The following ZNF487 variants were observed in gnomAD, a reference collection of about 807,000 sequenced individuals.
ZNF487 encodes the protein zinc finger protein 487.
In ZNF487, 4 loss-of-function variants were observed where a neutral mutation model predicts 3.0. The ratio of observed to expected loss-of-function variants is 1.35; its 90% confidence interval spans 0.66 to 3.08. The LOEUF is 3.08. ZNF487 is among the 30% of genes most tolerant of loss of function. ZNF487 has a pLI of 0.01. For synonymous variants in ZNF487, 55 were observed against 34.6 expected, an observed-to-expected ratio of 1.59 and a Z score of -2.06; for missense variants, 146 against 98.7, an observed-to-expected ratio of 1.48 and a Z score of -2.03.
chr10:43,487,362 A>G (rs1841479377), downstream of ZNF487, among the ~76,000 whole-genome samples: 1 of 151,420 alleles, frequency 6.6e-6, no homozygotes, highest in East Asian at 1.9e-4. Flanking sequence ...GATGGTCTCG[A>G]TTTCCTGACC....
the ZNF487 span, among the ~76,000 whole-genome samples, chr10:43,522,755 T>C: frequency 6.6e-6 from 1 of 151,932 alleles, no homozygotes; most frequent in South Asian, 2.1e-4. Context: ...ATAAAAAAAA[T>C]AAAAACAAAG....
chr10:43,469,564 C>G (rs1231264674), intron 1 of ZNF487, among the ~76,000 whole-genome samples: 1 of 151,986 alleles, frequency 6.6e-6, no homozygotes, highest in Non-Finnish European at 1.5e-5. Flanking sequence ...TGATCTTGGG[C>G]TCCTTGGTTC....
chr10:43,442,265 C>CA (rs1491543293), intron 1 of ZNF487, among the ~76,000 whole-genome samples: 189 of 142,610 alleles, frequency 1.3e-3, no homozygotes, highest in African/African-American at 4.4e-3. Flanking sequence ...ACAACAACAA[C>CA]AACAAAAAAA....
chr10:43,499,383 A>T, the ZNF487 span, among the ~76,000 whole-genome samples: 4 of 152,298 alleles, frequency 2.6e-5, no homozygotes, highest in South Asian at 8.3e-4. Context: ...ATAAAAGACA[A>T]AGATAAGTTG....
intron 1 of ZNF487, among the ~76,000 whole-genome samples, chr10:43,461,937 C>CA (rs1202124563): frequency 6.6e-6 from 1 of 152,166 alleles, no homozygotes; most frequent in Non-Finnish European, 1.5e-5. Context: ...GTCTCACACA[C>CA]ACTAGTTCAC....
At chr10:43,460,380 C>CTTTTT (rs199998705) in intron 1 of ZNF487, among the ~76,000 whole-genome samples, 64 of 121,094 alleles carry the variant, frequency 5.3e-4, no homozygotes, top group Non-Finnish European at 6.8e-4. Context: ...TTCTTTCTTT[C>CTTTTT]TTTTTTTTTT....
intron 1 of ZNF487, among the ~76,000 whole-genome samples, chr10:43,440,197 C>T (rs985457043): frequency 9.9e-5 from 15 of 151,816 alleles, no homozygotes; most frequent in South Asian, 4.1e-4. Context: ...TACAGGTGCC[C>T]GCCACCATGC....
chr10:43,516,433 A>C, the ZNF487 span, among the ~76,000 whole-genome samples: 5 of 152,182 alleles, frequency 3.3e-5, no homozygotes, highest in Non-Finnish European at 7.3e-5. Flanking sequence ...AATCTGTATT[A>C]CGGTTCTCTA....
chr10:43,457,461 A>G (rs953086755), intron 1 of ZNF487, among the ~76,000 whole-genome samples: 7 of 149,836 alleles, frequency 4.7e-5, no homozygotes, highest in Non-Finnish European at 8.9e-5. Context: ...AGGCTGAGGC[A>G]GGAGAATCGC....
intron 1 of ZNF487, among the ~76,000 whole-genome samples, chr10:43,466,181 A>AGAGAAGGAGAGGGAGACCGTAGG (rs1840696100): frequency 7.4e-6 from 1 of 135,392 alleles, no homozygotes; most frequent in African/African-American, 2.8e-5. Flanking sequence ...GACCGTGGAA[A>AGAGAAGGAGAGGGAGACCGTAGG]GAGAGGGAGA....
At chr10:43,520,383 T>A in the ZNF487 span, among the ~76,000 whole-genome samples, 3 of 152,220 alleles carry the variant, frequency 2.0e-5, no homozygotes, top group Non-Finnish European at 4.4e-5. Flanking sequence ...GGTGAATATA[T>A]TCAGCTTGAT....
downstream of ZNF487, among the ~76,000 whole-genome samples, chr10:43,484,499 C>T (rs1370079257): frequency 3.3e-5 from 5 of 151,826 alleles, no homozygotes; most frequent in South Asian, 2.1e-4. Context: ...CTCAGCTACT[C>T]GAGAGGCTGA....
At chr10:43,455,908 G>T (rs968651442) in intron 1 of ZNF487, among the ~76,000 whole-genome samples, 1 of 152,262 alleles carries the variant, frequency 6.6e-6, no homozygotes, top group Non-Finnish European at 1.5e-5. Context: ...GGCACCGCCC[G>T]CTCTAGCACA....
At chr10:43,498,552 A>G in the ZNF487 span, among the ~76,000 whole-genome samples, 208 of 151,552 alleles carry the variant, frequency 1.4e-3, 1 homozygote, top group Middle Eastern at 3.4e-3. Context: ...TGCTAGGAAT[A>G]CATGCGTGAG....
rs769471792 is a variant in ZNF487 at position 43,475,858 on chromosome 10, T to G, written c.34+11T>G. The G allele has an allele frequency of 1.0e-4, 77 of 757,800 alleles. No individual in the cohort carries two copies. The highest frequency in any genetic ancestry group is 4.6e-4 in the Middle Eastern group (2 of 4,352). The allele number at this position is 757,800 out of a possible 1,614,324, so 46.9% of individuals were successfully genotyped here. A position where few individuals can be genotyped will look rare whatever the true frequency, so the allele number is the denominator to read the frequency against. On this transcript the variant is annotated intron_variant, in intron 2 of 3. Transcript: ENST00000437590. ...TCCTCCTCTCAGTGGGTAAGGATTA[T>G]GTAATTTGCAGCTTCAAATAACATT...
At chr10:43,506,533 T>C in the ZNF487 span, among the ~76,000 whole-genome samples, 290 of 152,104 alleles carry the variant, frequency 1.9e-3, 2 homozygotes, top group Middle Eastern at 6.8e-3. Flanking sequence ...TAAAATAAAT[T>C]CCAGGCACAG....
chr10:43,488,832 G>A, the ZNF487 span, among the ~76,000 whole-genome samples: 7 of 151,998 alleles, frequency 4.6e-5, no homozygotes, highest in Admixed American at 3.9e-4. Flanking sequence ...GAAACTTACT[G>A]GAGGCCAGGA....
the ZNF487 span, among the ~76,000 whole-genome samples, chr10:43,493,535 A>G: frequency 2.0e-5 from 3 of 151,460 alleles, no homozygotes; most frequent in African/African-American, 7.3e-5. Context: ...CTCTACAAAC[A>G]GTAAAAATAT....
chr10:43,516,836 G>A, the ZNF487 span, among the ~76,000 whole-genome samples: 1 of 152,102 alleles, frequency 6.6e-6, no homozygotes. Context: ...TCAATACTTT[G>A]TATCCTTCAA....
Sources: gnomAD v4.1 joint callset for allele counts (sites outside exome capture counted in the v4.1 genomes callset) on GRCh38, gnomAD v4.1.1 for gene constraint, MANE v1.5 for transcripts, NCBI Gene and HGNC (gene_info 2026-07-23, HGNC 2026-07-21) for gene names.